HIKESHI: variants seen among roughly 807,000 people sequenced by gnomAD.
HIKESHI encodes the protein protein Hikeshi.
HIKESHI carries 13 observed loss-of-function variants against 25.7 expected under a neutral mutation model. The ratio of observed to expected loss-of-function variants is 0.51; its 90% CI spans 0.33 to 0.80. The LOEUF (loss-of-function observed/expected upper bound fraction) is 0.80, where lower values mean the gene tolerates loss of function less well. Among genes scored for constraint, HIKESHI ranks in the 30% least tolerant of loss-of-function variants. The pLI is 0.02. For synonymous variants in HIKESHI, 76 were observed against 78.7 expected (o/e 0.97, Z 0.18); for missense variants, 174 against 229.5 (o/e 0.76, Z 1.56).
At position 86,337,504 on chromosome 11, in the gene HIKESHI, G is replaced by A; in HGVS notation, c.394G>A (p.Val132Ile). 3 of 1,612,712 alleles carry A rather than the reference G, an allele frequency of 1.9e-6. No homozygotes were observed. Among genetic ancestry groups the A allele is most frequent in the Non-Finnish European group, 2.5e-6 (3 of 1,179,688 alleles). The change falls in exon 3 of 5, where the codon GTA (valine) becomes ATA (isoleucine). Residue 132 changes from valine (V) to isoleucine (I), a missense_variant. Coordinates refer to ENST00000278483, the MANE Select transcript of HIKESHI (RefSeq NM_016401.4). ...AQQTPVGNAA[V>I]SSVDSFTQFT... ...GCAGACTCCTGTAGGTAATGCTGCT[G>A]TATCCTCAGTTGACTCATTCACTCA...
intron 3 of HIKESHI, among the ~76,000 whole-genome samples, chr11:86,340,321 T>C (rs1283645764): frequency 6.6e-6 from 1 of 152,208 alleles, no homozygotes; most frequent in East Asian, 1.9e-4. Context: ...CTTGAGGAAT[T>C]GCCACACTGT....
At chr11:86,341,464 G>A (rs1223759045) in intron 3 of HIKESHI, among the ~76,000 whole-genome samples, 3 of 150,140 alleles carry the variant, frequency 2.0e-5, no homozygotes, top group Non-Finnish European at 4.4e-5. Context: ...AATTGGTCTC[G>A]GAAACATTCC....
chr11:86,323,918 T>C (rs2138359977), intron 2 of HIKESHI: 1 of 152,354 alleles, frequency 6.6e-6, no homozygotes, highest in East Asian at 1.9e-4. Context: ...TGATCCAGTA[T>C]GGGAAAATGG....
intron 2 of HIKESHI, among the ~76,000 whole-genome samples, chr11:86,321,834 T>G (rs761735411): frequency 2.0e-5 from 3 of 152,052 alleles, no homozygotes; most frequent in Admixed American, 1.3e-4. Flanking sequence ...CTGGCCTTGT[T>G]TTACATTTCA....
At chr11:86,323,720 T>C (rs1947205411) in intron 2 of HIKESHI, among the ~76,000 whole-genome samples, 1 of 152,202 alleles carries the variant, frequency 6.6e-6, no homozygotes, top group Non-Finnish European at 1.5e-5. Flanking sequence ...CGTAAGAGAT[T>C]GGGGAGGCAC....
chr11:86,317,581 G>A (rs1486221576), intron 2 of HIKESHI, among the ~76,000 whole-genome samples: 2 of 152,122 alleles, frequency 1.3e-5, no homozygotes, highest in Admixed American at 6.6e-5. Context: ...GAGGCAGGTG[G>A]ATCACCTGAG....
chr11:86,328,154 T>TATC (rs1436985813), intron 2 of HIKESHI, among the ~76,000 whole-genome samples: 1 of 152,226 alleles, frequency 6.6e-6, no homozygotes, highest in Non-Finnish European at 1.5e-5. Context: ...GTTCCTGAAA[T>TATC]AGAGCAGGGA....
intron 2 of HIKESHI, among the ~76,000 whole-genome samples, chr11:86,312,514 T>A (rs1458605997): frequency 6.6e-6 from 1 of 150,412 alleles, no homozygotes; most frequent in Non-Finnish European, 1.5e-5. Flanking sequence ...CTTTATCCAA[T>A]TTGCCAGCCT....
chr11:86,342,213 G>A (rs531383980), intron 3 of HIKESHI, among the ~76,000 whole-genome samples: 49 of 151,936 alleles, frequency 3.2e-4, no homozygotes, highest in Admixed American at 3.0e-3. Context: ...ATTGCTTTTG[G>A]CACTTTTTAA....
intron 2 of HIKESHI, among the ~76,000 whole-genome samples, chr11:86,335,377 T>C (rs1947528001): frequency 6.6e-6 from 1 of 152,042 alleles, no homozygotes; most frequent in East Asian, 1.9e-4. Flanking sequence ...ACCAGAAAGG[T>C]TGGGAATGAG....
intron 2 of HIKESHI, among the ~76,000 whole-genome samples, chr11:86,335,724 C>G (rs1268802097): frequency 2.0e-5 from 3 of 152,108 alleles, no homozygotes; most frequent in African/African-American, 7.2e-5. Context: ...CCACACATAA[C>G]AAAGAAACAG....
chr11:86,321,637 C>T (rs923121590), intron 2 of HIKESHI, among the ~76,000 whole-genome samples: 1 of 151,654 alleles, frequency 6.6e-6, no homozygotes, highest in Non-Finnish European at 1.5e-5. Context: ...TCAAGTGATT[C>T]TCCTGCCTCA....
chr11:86,326,420 G>C (rs1455363018), intron 2 of HIKESHI: 1 of 451,672 alleles, frequency 2.2e-6, no homozygotes, highest in Non-Finnish European at 4.4e-6. Context: ...GTGAAAGCTT[G>C]GGAAGTTACT....
At position 86,342,478 on chromosome 11, in the gene HIKESHI, C is replaced by CGTGTGTGTGTGTGT. The variant is rs34980731; in HGVS notation, c.421-2094_421-2081dup. Among the ~76,000 whole-genome samples, 30 of 147,462 alleles carry CGTGTGTGTGTGTGT rather than the reference C, an allele frequency of 2.0e-4. No individual in the cohort carries two copies. The East Asian group carries it at 5.4e-3, about 27-fold the overall frequency. On this transcript the variant is annotated intron_variant, in intron 3 of 4. Transcript: ENST00000278483. The stretch of plus-strand genomic sequence containing the variant: ...TGATATGTAAAGATATAAAGATGTT[C>CGTGTGTGTGTGTGT]GTGTGTGTGTGTGTGTGTGTGTGTG...
At chr11:86,324,270 C>G (rs1261513589) in intron 2 of HIKESHI, 1 of 152,196 alleles carries the variant, frequency 6.6e-6, no homozygotes. Flanking sequence ...CTCAGCCTCC[C>G]AAGTAGGTAG....
At chr11:86,344,245 T>G (rs1947809618) in intron 3 of HIKESHI, 1 of 170,298 alleles carries the variant, frequency 5.9e-6, no homozygotes, top group Non-Finnish European at 1.2e-5. Context: ...GAAGAAAAAT[T>G]TTTTTCTTTT....
intron 2 of HIKESHI, among the ~76,000 whole-genome samples, chr11:86,315,343 T>A (rs291196): frequency 0.71 from 106,491 of 150,672 alleles, 37,951 homozygotes; most frequent in East Asian, 0.82. Context: ...TTTTTTTGAG[T>A]CAGTTTCGCT....
At chr11:86,320,168 G>A (rs1947112310) in intron 2 of HIKESHI, among the ~76,000 whole-genome samples, 2 of 152,134 alleles carry the variant, frequency 1.3e-5, no homozygotes, top group Admixed American at 1.3e-4. Context: ...AGATATATTT[G>A]ATTTATATAT....
chr11:86,329,728 G>C (rs1050415207), intron 2 of HIKESHI, among the ~76,000 whole-genome samples: 1 of 151,844 alleles, frequency 6.6e-6, no homozygotes, highest in Non-Finnish European at 1.5e-5. Context: ...TTGATGAATT[G>C]TTTCTTTTAC....
Sources: gnomAD v4.1 joint callset for allele counts (sites outside exome capture counted in the v4.1 genomes callset) on GRCh38, gnomAD v4.1.1 for gene constraint, MANE v1.5 for transcripts, NCBI Gene and HGNC (gene_info 2026-07-23, HGNC 2026-07-21) for gene names.